SDCCAG8: variants seen among roughly 807,000 people sequenced by gnomAD.
SDCCAG8 encodes the protein serologically defined colon cancer antigen 8.
Under a neutral mutation model 101.8 loss-of-function variants are expected in SDCCAG8, and 74 were observed. That is an observed-to-expected ratio of 0.73 (90% confidence interval 0.60 to 0.88). SDCCAG8 has a LOEUF of 0.88. Ranked by LOEUF, SDCCAG8 falls within the 40% of genes least tolerant of loss-of-function variation. The pLI is 0.00. For missense variants in SDCCAG8, 787 were observed against 822.6 expected (o/e 0.96, Z 0.53); for synonymous variants, 281 against 292.9 (o/e 0.96, Z 0.41).
chr1:243,408,838 G>A (rs921805044), intron 13 of SDCCAG8, among the ~76,000 whole-genome samples: 32 of 152,202 alleles, frequency 2.1e-4, no homozygotes, highest in Admixed American at 2.0e-3. Context: ...TGCATGTAAA[G>A]ACCTTAGCTT....
intron 10 of SDCCAG8, among the ~76,000 whole-genome samples, chr1:243,339,724 A>G (rs1024293922): frequency 2.6e-5 from 4 of 152,188 alleles, no homozygotes; most frequent in Admixed American, 2.6e-4. Flanking sequence ...CGTTTTATTG[A>G]TGTCAGGTTC....
chr1:243,311,715 G>T (rs2072744187), intron 8 of SDCCAG8, among the ~76,000 whole-genome samples: 1 of 151,424 alleles, frequency 6.6e-6, no homozygotes, highest in South Asian at 2.1e-4. Context: ...AGGTGTTTGA[G>T]ACCAGTCTGG....
chr1:243,477,856 G>T (rs1017967215), intron 16 of SDCCAG8, among the ~76,000 whole-genome samples: 1 of 152,328 alleles, frequency 6.6e-6, no homozygotes, highest in Admixed American at 6.5e-5. Flanking sequence ...GATCAATGTG[G>T]CTCAGAGTGT....
intron 16 of SDCCAG8, among the ~76,000 whole-genome samples, chr1:243,432,595 A>G (rs2081865104): frequency 6.6e-6 from 1 of 152,234 alleles, no homozygotes; most frequent in Non-Finnish European, 1.5e-5. Context: ...TGAATTTTAT[A>G]TTCAAAAAGC....
At chr1:243,372,910 A>ATATC (rs1019900083) in intron 12 of SDCCAG8, among the ~76,000 whole-genome samples, 7 of 129,020 alleles carry the variant, frequency 5.4e-5, no homozygotes, top group South Asian at 2.3e-4. Flanking sequence ...ATCTATATCT[A>ATATC]TATCTATATC....
intron 13 of SDCCAG8, among the ~76,000 whole-genome samples, chr1:243,409,507 AG>A (rs1275751023): frequency 6.6e-6 from 1 of 152,210 alleles, no homozygotes; most frequent in Non-Finnish European, 1.5e-5. Flanking sequence ...ACCTAGTGAC[AG>A]ATCCTGATTT....
intron 6 of SDCCAG8, among the ~76,000 whole-genome samples, chr1:243,304,507 A>C (rs2071882176): frequency 1.3e-5 from 2 of 152,220 alleles, no homozygotes. Flanking sequence ...AAAGAAAATC[A>C]ATTTTATGAC....
chr1:243,466,066 A>T lies in SDCCAG8; in HGVS notation c.1986-22948A>T, dbSNP rs118167548. On this transcript the variant is annotated intron_variant, in intron 16 of 17. Coordinates refer to ENST00000366541, the MANE Select transcript of SDCCAG8 (RefSeq NM_006642.5). ...ACCATTTTGGTAAAAGCGTTGAAAT[A>T]GCAATGCGCTATGAGCTAGTCTTTG... Among the ~76,000 whole-genome samples, 142 of 152,348 alleles carry T rather than the reference A, an allele frequency of 9.3e-4. 2 individuals carry two copies. In the East Asian group the frequency reaches 0.023, roughly 24 times the overall value.
chr1:243,291,623 C>T (rs745560624), intron 5 of SDCCAG8, among the ~76,000 whole-genome samples: 1 of 152,168 alleles, frequency 6.6e-6, no homozygotes, highest in Non-Finnish European at 1.5e-5. Flanking sequence ...GGCAGAAGAT[C>T]GTAATAATAA....
At chr1:243,370,361 A>G (rs574164678) in intron 12 of SDCCAG8, among the ~76,000 whole-genome samples, 3 of 152,262 alleles carry the variant, frequency 2.0e-5, no homozygotes, top group African/African-American at 4.8e-5. Flanking sequence ...TATTTTGTCT[A>G]TGATGATTAG....
At chr1:243,329,827 G>C (rs1480292885) in intron 9 of SDCCAG8, among the ~76,000 whole-genome samples, 2 of 152,266 alleles carry the variant, frequency 1.3e-5, no homozygotes, top group Admixed American at 6.5e-5. Context: ...AATGAAGTTA[G>C]AGATTTTTTA....
At chr1:243,399,434 AAACAC>A (rs1375808640) in intron 13 of SDCCAG8, among the ~76,000 whole-genome samples, 1 of 152,200 alleles carries the variant, frequency 6.6e-6, no homozygotes, top group Non-Finnish European at 1.5e-5. Flanking sequence ...GAAACAAACA[AAACAC>A]AAAGGTTCTT....
At chr1:243,491,175 A>G (rs1666315363) in intron 17 of SDCCAG8, among the ~76,000 whole-genome samples, 1 of 152,164 alleles carries the variant, frequency 6.6e-6, no homozygotes, top group Non-Finnish European at 1.5e-5. Flanking sequence ...GCACACTTAG[A>G]TCTTAACATG....
intron 10 of SDCCAG8, 73 bp downstream of exon 10, chr1:243,330,765 G>T: frequency 6.7e-7 from 1 of 1,482,636 alleles, no homozygotes; most frequent in Non-Finnish European, 9.4e-7. Context: ...GATTCCATAG[G>T]CTGGAGTTCT....
At chr1:243,358,282 C>T (rs747050401) in intron 12 of SDCCAG8, among the ~76,000 whole-genome samples, 4 of 151,116 alleles carry the variant, frequency 2.6e-5, no homozygotes, top group Non-Finnish European at 2.9e-5. Context: ...GCAAAAGATC[C>T]GAATAGACTT....
At chr1:243,429,481 T>C (rs530476730) in intron 16 of SDCCAG8, among the ~76,000 whole-genome samples, 2 of 152,258 alleles carry the variant, frequency 1.3e-5, no homozygotes, top group Middle Eastern at 6.8e-3. Context: ...GGGCCAACTG[T>C]ACAGTAATGA....
intron 16 of SDCCAG8, among the ~76,000 whole-genome samples, chr1:243,443,996 A>G (rs2082722057): frequency 6.6e-6 from 1 of 152,188 alleles, no homozygotes; most frequent in Admixed American, 6.5e-5. Flanking sequence ...TGAAATTGAT[A>G]TAGACTCCAA....
At chr1:243,467,855 T>C (rs999336048) in intron 16 of SDCCAG8, among the ~76,000 whole-genome samples, 1 of 152,238 alleles carries the variant, frequency 6.6e-6, no homozygotes, top group African/African-American at 2.4e-5. Flanking sequence ...GCACCCAGTG[T>C]TCATACACAT....
chr1:243,480,997 C>G (rs1331350962), intron 16 of SDCCAG8, among the ~76,000 whole-genome samples: 1 of 151,752 alleles, frequency 6.6e-6, no homozygotes, highest in Non-Finnish European at 1.5e-5. Context: ...GTGGTCCCAC[C>G]CACTGAGAGG....
Sources: gnomAD v4.1 joint callset for allele counts (sites outside exome capture counted in the v4.1 genomes callset) on GRCh38, gnomAD v4.1.1 for gene constraint, MANE v1.5 for transcripts, NCBI Gene and HGNC (gene_info 2026-07-23, HGNC 2026-07-21) for gene names.